Variants in SPMAP2L observed in about 807,000 individuals in gnomAD.
The protein encoded by SPMAP2L is sperm microtubule associated protein 2 like.
chr4:56,595,097 C>T, the SPMAP2L span: 3 of 1,611,114 alleles, frequency 1.9e-6, no homozygotes. Context: ...TTGCCCATTT[C>T]CTGGGCTTAT....
chr4:56,624,666 G>A, the SPMAP2L span, among the ~76,000 whole-genome samples: 4 of 152,334 alleles, frequency 2.6e-5, no homozygotes, highest in South Asian at 8.3e-4. Flanking sequence ...TCAGAGGGTG[G>A]AAGCTTCAAG....
chr4:56,602,886 G>A, the SPMAP2L span, among the ~76,000 whole-genome samples: 5 of 152,172 alleles, frequency 3.3e-5, no homozygotes, highest in Non-Finnish European at 5.9e-5. Flanking sequence ...ATTATGTTAT[G>A]GTAAATGATA....
chr4:56,547,029 C>G, the SPMAP2L span, among the ~76,000 whole-genome samples: 4 of 152,284 alleles, frequency 2.6e-5, no homozygotes, highest in Non-Finnish European at 5.9e-5. Flanking sequence ...TTTGTGTTCT[C>G]TCCATACTGG....
chr4:56,594,234 A>G, the SPMAP2L span: 3 of 1,602,172 alleles, frequency 1.9e-6, no homozygotes. Context: ...CAAGTGTTCA[A>G]CAGCTACCAC....
At chr4:56,606,252 T>C in the SPMAP2L span, among the ~76,000 whole-genome samples, 1 of 152,220 alleles carries the variant, frequency 6.6e-6, no homozygotes, top group African/African-American at 2.4e-5. Flanking sequence ...GGACAGTTGT[T>C]GATTTTTGGA....
the SPMAP2L span, chr4:56,592,907 C>T: frequency 1.2e-6 from 2 of 1,608,102 alleles, no homozygotes; most frequent in Admixed American, 1.7e-5. Flanking sequence ...GATCTTGGGG[C>T]TGGCGAGCAT....
At chr4:56,530,691 G>T in the SPMAP2L span, 1 of 1,534,980 alleles carries the variant, frequency 6.5e-7, no homozygotes, top group Non-Finnish European at 8.7e-7. Flanking sequence ...AGAACCAAGA[G>T]TTTCTAAGTT....
the SPMAP2L span, among the ~76,000 whole-genome samples, chr4:56,577,935 G>A: frequency 3.0e-3 from 459 of 152,200 alleles, 5 homozygotes; most frequent in African/African-American, 0.011. Context: ...CAGTGACTAT[G>A]TTACTGCATT....
chr4:56,576,178 T>A, the SPMAP2L span, among the ~76,000 whole-genome samples: 4,621 of 152,234 alleles, frequency 0.03, 209 homozygotes, highest in African/African-American at 0.094. Flanking sequence ...ACACTGGACA[T>A]GTATGTGCAG....
the SPMAP2L span, among the ~76,000 whole-genome samples, chr4:56,545,461 TG>T: frequency 1.3e-5 from 2 of 152,078 alleles, no homozygotes; most frequent in African/African-American, 4.8e-5. Flanking sequence ...TGGCTACGTG[TG>T]GTGACTCATG....
the SPMAP2L span, among the ~76,000 whole-genome samples, chr4:56,620,349 G>T: frequency 6.6e-6 from 1 of 151,520 alleles, no homozygotes. Context: ...AAGATAAAAA[G>T]TGAGTTGCAG....
At chr4:56,607,994 A>T in the SPMAP2L span, among the ~76,000 whole-genome samples, 1 of 136,502 alleles carries the variant, frequency 7.3e-6, no homozygotes, top group African/African-American at 3.0e-5. Context: ...CCCTGTCTCA[A>T]GAAAAAAAAA....
the SPMAP2L span, among the ~76,000 whole-genome samples, chr4:56,589,341 T>C: frequency 1.3e-5 from 2 of 152,204 alleles, no homozygotes; most frequent in African/African-American, 2.4e-5. Context: ...TACGGCCTTA[T>C]AGTATAGTTT....
At chr4:56,544,872 G>C in the SPMAP2L span, among the ~76,000 whole-genome samples, 57 of 152,326 alleles carry the variant, frequency 3.7e-4, no homozygotes, top group African/African-American at 1.3e-3. Flanking sequence ...GCTCAGCAAC[G>C]GCAGCATTCT....
the SPMAP2L span, among the ~76,000 whole-genome samples, chr4:56,600,097 C>CTTTTTTTTTTTTTTTTTTTTTTTT: frequency 1.0e-4 from 9 of 87,802 alleles, no homozygotes; most frequent in African/African-American, 3.0e-4. Context: ...TCTTTGCTTT[C>CTTTTTTTTTTTTTTTTTTTTTTTT]TTTTTTTTTT....
the SPMAP2L span, among the ~76,000 whole-genome samples, chr4:56,550,386 G>GT: frequency 5.3e-5 from 8 of 152,156 alleles, no homozygotes; most frequent in East Asian, 1.4e-3. Flanking sequence ...AAAAAAATAG[G>GT]TTTTCTCACA....
chr4:56,542,819 C>T, the SPMAP2L span, among the ~76,000 whole-genome samples: 1 of 152,124 alleles, frequency 6.6e-6, no homozygotes, highest in Admixed American at 6.5e-5. Context: ...GATCCCTCAA[C>T]GTTAGTTCCA....
the SPMAP2L span, among the ~76,000 whole-genome samples, chr4:56,583,940 A>T: frequency 6.0e-4 from 91 of 152,256 alleles, no homozygotes; most frequent in African/African-American, 1.9e-3. Context: ...ACACACATTT[A>T]CATATACTGT....
the SPMAP2L span, among the ~76,000 whole-genome samples, chr4:56,614,130 G>C: frequency 4.6e-5 from 7 of 152,162 alleles, 1 homozygote; most frequent in Non-Finnish European, 1.0e-4. Context: ...CATTGGGAGA[G>C]CTTGAATAGG....
Sources: gnomAD v4.1 joint callset for allele counts (sites outside exome capture counted in the v4.1 genomes callset) on GRCh38, gnomAD v4.1.1 for gene constraint, MANE v1.5 for transcripts, NCBI Gene and HGNC (gene_info 2026-07-23, HGNC 2026-07-21) for gene names.